SPDYC: variants seen among roughly 807,000 people sequenced by gnomAD.
SPDYC encodes the protein speedy/RINGO cell cycle regulator family member C, also known as speedy protein C.
A neutral mutation model predicts 33.9 loss-of-function variants in SPDYC; 25 were observed. That is an observed-to-expected ratio of 0.74 (90% confidence interval 0.54 to 1.03). The LOEUF (loss-of-function observed/expected upper bound fraction) is 1.03. Ranked by LOEUF, SPDYC falls within the 50% of genes least tolerant of loss-of-function variation. The probability of loss-of-function intolerance (pLI) is 0.00; values close to 1 mark genes in which losing one functional copy is unlikely to be tolerated. For missense variants in SPDYC, 349 were observed against 382.9 expected, an observed-to-expected ratio of 0.91 and a Z score of 0.74; for synonymous variants, 133 against 140.2, an observed-to-expected ratio of 0.95 and a Z score of 0.36.
Position 65,172,345 on chromosome 11 carries a change from G to A in SPDYC, c.344+14G>A, listed in dbSNP as rs1010827901. 2 of 1,614,150 alleles carry A rather than the reference G, an allele frequency of 1.2e-6. No homozygotes were observed. The highest frequency in any genetic ancestry group is 1.7e-6 in the Non-Finnish European group (2 of 1,180,024). ...GTTCTTGGCCCTGTGAGTGGTGGGG[G>A]CAGGCAGTGGAGGCATTTGCTGGAG... On this transcript the variant is annotated intron_variant, in intron 4 of 6. Coordinates refer to ENST00000377185, the Ensembl canonical transcript of SPDYC.
chr11:65,173,187 C>G (rs1014265969), exon 7 of SPDYC: 11 of 1,614,024 alleles, frequency 6.8e-6, no homozygotes, highest in Non-Finnish European at 9.3e-6. Flanking sequence ...CCCCAGTCTT[C>G]CCAAAGCCTC....
chr11:65,172,893 T>C (rs767147854), exon 6 of SPDYC: 1 of 1,614,158 alleles, frequency 6.2e-7, no homozygotes, highest in Non-Finnish European at 8.5e-7. Flanking sequence ...CTCTGACCTC[T>C]GAATGTCATC....
At chr11:65,173,144 C>A (rs765583055) in intron 6 of SPDYC, 39 bp from the exon 7 acceptor site, 7 of 1,612,072 alleles carry the variant, frequency 4.3e-6, no homozygotes, top group South Asian at 1.1e-5. Context: ...GTGAGCTTGG[C>A]AGGTTTCTTC....
At chr11:65,173,146 G>A (rs370050833) in intron 6 of SPDYC, 37 bp from the exon 7 acceptor site, 75 of 1,612,638 alleles carry the variant, frequency 4.7e-5, no homozygotes, top group Non-Finnish European at 6.2e-5. Context: ...GAGCTTGGCA[G>A]GTTTCTTCTC....
intron 3 of SPDYC, 27 bp from the exon 4 acceptor site, chr11:65,172,219 A>AC (rs776457700): frequency 1.9e-6 from 3 of 1,611,750 alleles, no homozygotes; most frequent in East Asian, 2.2e-5. Context: ...AGAATAACTA[A>AC]CCCCCCACCC....
chr11:65,173,026 AT>A lies in SPDYC; in HGVS notation c.847+13del. On this transcript the variant is annotated intron_variant, in intron 6 of 6. Coordinates refer to ENST00000377185, the Ensembl canonical transcript of SPDYC. ...CTACTCCCTCCGCAGTGAGTGCAGG[AT>A]GGGACAGGAGCTGGGGGCTGGTGTG... is the stretch of plus-strand genomic sequence containing the variant. 1 of 1,611,100 alleles carries A rather than the reference AT, an allele frequency of 6.2e-7. No homozygotes were observed.
At chr11:65,170,343 C>A (rs1948418098) in intron 1 of SPDYC, 82 bp downstream of exon 1, 1 of 1,381,264 alleles carries the variant, frequency 7.2e-7, no homozygotes, top group Non-Finnish European at 9.6e-7. Flanking sequence ...GGTGGTCGAC[C>A]GCACGTTCTC....
intron 3 of SPDYC, 108 bp from the exon 4 acceptor site, chr11:65,172,138 C>A (rs1948442530): frequency 6.6e-7 from 1 of 1,514,564 alleles, no homozygotes; most frequent in Admixed American, 1.7e-5. Context: ...CACCATTTTA[C>A]TGACTTTCTT....
chr11:65,170,518 G>A (rs1328239644), intron 1 of SPDYC, among the ~76,000 whole-genome samples: 1 of 152,236 alleles, frequency 6.6e-6, no homozygotes, highest in African/African-American at 2.4e-5. Flanking sequence ...GGGATCAGTG[G>A]CCCTTTCAAC....
chr11:65,171,903 G>C, intron 2 of SPDYC, 40 bp from the exon 3 acceptor site: 4 of 1,588,856 alleles, frequency 2.5e-6, no homozygotes, highest in Non-Finnish European at 2.6e-6. Flanking sequence ...CCATGGAGGT[G>C]GTGGTAACCT....
chr11:65,172,255 G>A, exon 4 of SPDYC: 1 of 1,614,124 alleles, frequency 6.2e-7, no homozygotes, highest in Non-Finnish European at 8.5e-7. Context: ...GTATCTCCTG[G>A]CCATGGTGCT....
exon 6 of SPDYC, chr11:65,172,791 C>T (rs756491320): frequency 3.7e-6 from 6 of 1,613,922 alleles, no homozygotes; most frequent in African/African-American, 1.3e-5. Context: ...TTCCCCGGGG[C>T]CCTGGCCTCT....
intron 2 of SPDYC, 34 bp from the exon 3 acceptor site, chr11:65,171,908 TA>T (rs777466657): frequency 1.2e-6 from 2 of 1,605,000 alleles, no homozygotes; most frequent in Non-Finnish European, 1.7e-6. Flanking sequence ...GAGGTGGTGG[TA>T]ACCTGCGTCC....
intron 2 of SPDYC, 28 bp from the exon 3 acceptor site, chr11:65,171,915 C>T (rs369788797): frequency 1.4e-5 from 22 of 1,610,030 alleles, no homozygotes; most frequent in Admixed American, 1.2e-4. Context: ...TGGTAACCTG[C>T]GTCCTGTCAT....
chr11:65,171,851 C>T, intron 2 of SPDYC, 92 bp from the exon 3 acceptor site: 1 of 1,064,544 alleles, frequency 9.4e-7, no homozygotes, highest in South Asian at 1.3e-5. Context: ...AGAGAGGGTT[C>T]AGTGGTGGCT....
Position 65,171,312 on chromosome 11 carries a change from C to A in SPDYC, c.27-15C>A. The A allele has an allele frequency of 6.2e-7, 1 of 1,602,448 alleles. No individual in the cohort carries two copies. Among genetic ancestry groups the A allele is most frequent in the South Asian group, 1.1e-5 (1 of 89,922 alleles). On this transcript the variant is annotated splice_polypyrimidine_tract_variant and intron_variant, in intron 1 of 6. Transcript: ENST00000377185. ...CGGGGGTACATGCTAAGTCCTGAGC[C>A]TCCTTTCTCTACAGGTCACCCTGCC... is the stretch of plus-strand genomic sequence containing the variant.
intron 2 of SPDYC, 49 bp from the exon 3 acceptor site, chr11:65,171,894 C>T (rs1255985188): frequency 1.9e-6 from 3 of 1,557,572 alleles, no homozygotes; most frequent in South Asian, 2.2e-5. Flanking sequence ...CACTCTTCTC[C>T]ATGGAGGTGG....
exon 1 of SPDYC, chr11:65,170,261 G>A: frequency 1.9e-6 from 3 of 1,581,676 alleles, no homozygotes; most frequent in Non-Finnish European, 1.7e-6. Flanking sequence ...CCTGAGCTCG[G>A]GTAAGGCTCG....
At chr11:65,170,869 A>C (rs1948422945) in intron 1 of SPDYC, among the ~76,000 whole-genome samples, 1 of 152,084 alleles carries the variant, frequency 6.6e-6, no homozygotes, top group East Asian at 1.9e-4. Context: ...GGCGACAGAG[A>C]GAGACTGTGT....
Sources: allele counts gnomAD v4.1 joint callset (sites outside exome capture counted in the v4.1 genomes callset), GRCh38; gene constraint gnomAD v4.1.1; transcripts MANE v1.5; gene names NCBI Gene and HGNC (gene_info 2026-07-23, HGNC 2026-07-21).